IGF2BP3: variants seen among roughly 807,000 people sequenced by gnomAD.
The protein encoded by IGF2BP3 is insulin-like growth factor 2 mRNA-binding protein 3.
A neutral mutation model predicts 73.8 loss-of-function variants in IGF2BP3; 9 were observed. The ratio of observed to expected loss-of-function variants is 0.12; its 90% CI spans 0.07 to 0.21. The LOEUF is 0.21. IGF2BP3 is among the 10% of genes least tolerant of loss of function. The probability of loss-of-function intolerance (pLI) is 1.00; values close to 1 mark genes in which losing one functional copy is unlikely to be tolerated. For synonymous variants in IGF2BP3, 258 were observed against 256.7 expected (o/e 1.01, Z -0.05); for missense variants, 542 against 714.0 (o/e 0.76, Z 2.75).
At chr7:23,385,927 A>C (rs935981048) in intron 3 of IGF2BP3, among the ~76,000 whole-genome samples, 5 of 152,156 alleles carry the variant, frequency 3.3e-5, no homozygotes, top group African/African-American at 1.2e-4. Context: ...ATTTGAACAG[A>C]CTTCATGGTT....
intron 3 of IGF2BP3, among the ~76,000 whole-genome samples, chr7:23,373,274 T>C (rs887837309): frequency 1.3e-5 from 2 of 152,194 alleles, no homozygotes; most frequent in African/African-American, 4.8e-5. Context: ...ACATTCAAAA[T>C]AGTTCAATGT....
intron 7 of IGF2BP3, among the ~76,000 whole-genome samples, chr7:23,347,390 C>T (rs1396756920): frequency 6.6e-6 from 1 of 152,174 alleles, no homozygotes; most frequent in Admixed American, 6.5e-5. Context: ...TCCCCGTTAT[C>T]ACCACTCGCC....
At chr7:23,337,007 T>C (rs570187929) in intron 10 of IGF2BP3, among the ~76,000 whole-genome samples, 3 of 151,696 alleles carry the variant, frequency 2.0e-5, no homozygotes, top group South Asian at 4.2e-4. Context: ...CTTTGGGAAA[T>C]TTACTGCCTT....
At chr7:23,439,263 A>G (rs1787873813) in intron 2 of IGF2BP3, among the ~76,000 whole-genome samples, 1 of 151,882 alleles carries the variant, frequency 6.6e-6, no homozygotes, top group Non-Finnish European at 1.5e-5. Context: ...ATAAAAAGTG[A>G]CATGTTTGGC....
rs57466793 is a variant in IGF2BP3, at chr7:23,382,894, C to CAAAAAAAA, written c.286-21161_286-21154dup. ...GCAATACAGAAAAACCTAGCTCTAC[C>CAAAAAAAA]AAAAAAAAAAAAAAAAAAAAAAAAA... On this transcript the variant is annotated intron_variant, in intron 3 of 14. Coordinates refer to ENST00000258729, the MANE Select transcript of IGF2BP3 (RefSeq NM_006547.3). 3.3e-4 allele frequency among the ~76,000 whole-genome samples: 16 copies of CAAAAAAAA among 49,096 alleles called. 1 individual carries two copies. The highest frequency in any genetic ancestry group is 9.5e-4 in the East Asian group (1 of 1,054). 32.2% of individuals were successfully genotyped at this position (49,096 alleles called of 152,430 possible). A position where few individuals can be genotyped will look rare whatever the true frequency, so the allele number is the denominator to read the frequency against.
chr7:23,350,597 G>C (rs927527883), intron 6 of IGF2BP3, among the ~76,000 whole-genome samples: 6 of 152,356 alleles, frequency 3.9e-5, no homozygotes, highest in Non-Finnish European at 8.8e-5. Flanking sequence ...AGATACACAT[G>C]AAAGGCTTCA....
chr7:23,316,305 GTTTGA>G (rs1783985622), intron 12 of IGF2BP3, among the ~76,000 whole-genome samples: 1 of 151,928 alleles, frequency 6.6e-6, no homozygotes, highest in Non-Finnish European at 1.5e-5. Context: ...GATTTTTTTT[GTTTGA>G]TTTAAGGGAG....
chr7:23,406,416 G>A (rs1274599459), intron 3 of IGF2BP3, among the ~76,000 whole-genome samples: 2 of 152,162 alleles, frequency 1.3e-5, no homozygotes, highest in East Asian at 1.9e-4. Context: ...TGAAGCCGTG[G>A]ACTCCCACGG....
At chr7:23,460,433 G>A (rs1584069500) in intron 2 of IGF2BP3, among the ~76,000 whole-genome samples, 1 of 151,338 alleles carries the variant, frequency 6.6e-6, no homozygotes, top group East Asian at 2.0e-4. Flanking sequence ...TCAAGAGGCT[G>A]AAGCAGGAGA....
At chr7:23,337,788 G>A (rs372815051) in intron 10 of IGF2BP3, among the ~76,000 whole-genome samples, 15 of 152,238 alleles carry the variant, frequency 9.9e-5, no homozygotes, top group Middle Eastern at 3.4e-3. Flanking sequence ...TCCCACCTCC[G>A]CCTCCCCAGT....
At chr7:23,392,892 A>G (rs771830938) in intron 3 of IGF2BP3, among the ~76,000 whole-genome samples, 1 of 152,106 alleles carries the variant, frequency 6.6e-6, no homozygotes, top group Non-Finnish European at 1.5e-5. Flanking sequence ...TGGCCTCTCA[A>G]AGTACTGTGA....
At chr7:23,434,365 A>C (rs1029297635) in intron 2 of IGF2BP3, among the ~76,000 whole-genome samples, 4 of 152,154 alleles carry the variant, frequency 2.6e-5, no homozygotes, top group African/African-American at 4.8e-5. Flanking sequence ...CCACCTTCTC[A>C]TCAACTTTAG....
rs531473189 is a variant in IGF2BP3, at chr7:23,317,364, A to C, written c.1395+275T>G. The stretch of plus-strand genomic sequence containing the variant: ...GGCATATTAACCTGGCAGGTTTGTA[A>C]ATTTTAAGGTCTCACCTTAGCATAG... On this transcript the variant is annotated intron_variant, in intron 12 of 14. Coordinates refer to ENST00000258729, the MANE Select transcript of IGF2BP3 (RefSeq NM_006547.3). Among the ~76,000 whole-genome samples, 13 of 152,318 alleles carry C rather than the reference A, an allele frequency of 8.5e-5. No homozygotes were observed. In the East Asian group the frequency reaches 2.3e-3, roughly 27 times the overall value.
At chr7:23,380,870 C>A (rs113299888) in intron 3 of IGF2BP3, among the ~76,000 whole-genome samples, 1 of 152,218 alleles carries the variant, frequency 6.6e-6, no homozygotes, top group Non-Finnish European at 1.5e-5. Context: ...TGCCAGCACC[C>A]GATGGCAGAC....
intron 2 of IGF2BP3, among the ~76,000 whole-genome samples, chr7:23,448,633 G>A (rs1208798284): frequency 6.7e-6 from 1 of 150,070 alleles, no homozygotes; most frequent in Non-Finnish European, 1.5e-5. Context: ...TTGTTTGTTT[G>A]TTTGTTTGTT....
chr7:23,397,109 A>G (rs965901393), intron 3 of IGF2BP3, among the ~76,000 whole-genome samples: 11 of 152,206 alleles, frequency 7.2e-5, no homozygotes, highest in Non-Finnish European at 1.3e-4. Flanking sequence ...AATGAAAAGT[A>G]TGTCTCCAGG....
At chr7:23,345,224 C>T (rs1394590142) in intron 8 of IGF2BP3, among the ~76,000 whole-genome samples, 1 of 152,206 alleles carries the variant, frequency 6.6e-6, no homozygotes, top group Non-Finnish European at 1.5e-5. Flanking sequence ...AACCTTTCCA[C>T]GTAATTTCAG....
intron 10 of IGF2BP3, among the ~76,000 whole-genome samples, chr7:23,332,081 C>T (rs574315432): frequency 4.9e-4 from 75 of 152,062 alleles, no homozygotes; most frequent in Non-Finnish European, 6.8e-4. Context: ...GGGGGAAATC[C>T]GCCCCCATGA....
At chr7:23,422,010 C>T (rs1418262389) in intron 2 of IGF2BP3, among the ~76,000 whole-genome samples, 1 of 152,024 alleles carries the variant, frequency 6.6e-6, no homozygotes, top group East Asian at 1.9e-4. Flanking sequence ...AACTCCTGGG[C>T]TCAAGCAGTC....
Sources: allele counts gnomAD v4.1 joint callset (sites outside exome capture counted in the v4.1 genomes callset), GRCh38; gene constraint gnomAD v4.1.1; transcripts MANE v1.5; gene names NCBI Gene and HGNC (gene_info 2026-07-23, HGNC 2026-07-21).